STXBP5L: variants seen among roughly 807,000 people sequenced by gnomAD.
STXBP5L encodes syntaxin-binding protein 5-like.
STXBP5L carries 65 observed loss-of-function variants against 144.5 expected under a neutral mutation model. The ratio of observed to expected loss-of-function variants is 0.45; its 90% confidence interval spans 0.37 to 0.55. STXBP5L has a LOEUF of 0.55. STXBP5L is among the 20% of genes least tolerant of loss of function. The pLI is 0.00. For missense variants in STXBP5L, 1,298 were observed against 1,405.5 expected (o/e 0.92, Z 1.22); for synonymous variants, 505 against 469.6 (o/e 1.08, Z -0.97).
At chr3:121,184,041 C>A (rs1187520421) in intron 9 of STXBP5L, among the ~76,000 whole-genome samples, 1 of 151,822 alleles carries the variant, frequency 6.6e-6, no homozygotes, top group African/African-American at 2.4e-5. Flanking sequence ...GATGTACACC[C>A]AAAAACCCCA....
chr3:121,038,965 C>A (rs930514703), intron 3 of STXBP5L, among the ~76,000 whole-genome samples: 1 of 151,656 alleles, frequency 6.6e-6, no homozygotes, highest in African/African-American at 2.4e-5. Flanking sequence ...TAACTTTTAA[C>A]CTATTTGTAT....
At chr3:121,402,660 A>G (rs1377185853) in intron 22 of STXBP5L, among the ~76,000 whole-genome samples, 5 of 152,250 alleles carry the variant, frequency 3.3e-5, no homozygotes, top group African/African-American at 1.2e-4. Context: ...AGAAAAATAC[A>G]TAACCACACT....
intron 20 of STXBP5L, among the ~76,000 whole-genome samples, chr3:121,366,462 C>CT (rs1316937007): frequency 1.1e-4 from 17 of 151,932 alleles, no homozygotes; most frequent in Non-Finnish European, 4.4e-5. Flanking sequence ...GTTGTATCTT[C>CT]TTAATATGTT....
At chr3:121,349,910 C>A (rs1251442679) in intron 20 of STXBP5L, among the ~76,000 whole-genome samples, 7 of 152,172 alleles carry the variant, frequency 4.6e-5, no homozygotes, top group South Asian at 2.1e-4. Context: ...GACTCTTTAT[C>A]CAATTTGCCA....
chr3:121,216,151 C>T (rs758153729), intron 10 of STXBP5L, among the ~76,000 whole-genome samples: 8 of 152,152 alleles, frequency 5.3e-5, no homozygotes, highest in Non-Finnish European at 1.2e-4. Flanking sequence ...TCCTTTAGCT[C>T]AGAGGATTTT....
chr3:121,376,381 CT>C lies in STXBP5L; in HGVS notation c.2177-2332del, dbSNP rs1486602673. Among the ~76,000 whole-genome samples, 5 of 152,286 alleles carry C rather than the reference CT, an allele frequency of 3.3e-5. No individual in the cohort carries two copies. In the East Asian group the frequency reaches 9.6e-4, roughly 29 times the overall value. Reference sequence around the variant, plus strand: ...ATGGTTTTAGGCTTTAGGTTTGAGTCTTTAATCCATCTGGAGTTAATTTTTG... The same window carrying C: ...ATGGTTTTAGGCTTTAGGTTTGAGTCTTAATCCATCTGGAGTTAATTTTTG... On this transcript the variant is annotated intron_variant, in intron 20 of 26. Transcript: ENST00000471454.
intron 5 of STXBP5L, among the ~76,000 whole-genome samples, chr3:121,055,884 A>T (rs1237372678): frequency 2.1e-5 from 3 of 145,388 alleles, no homozygotes; most frequent in African/African-American, 7.7e-5. Flanking sequence ...GTAGAAACAG[A>T]TTCTCTCCAT....
At chr3:121,372,706 C>G (rs1489578410) in intron 20 of STXBP5L, among the ~76,000 whole-genome samples, 1 of 151,884 alleles carries the variant, frequency 6.6e-6, no homozygotes, top group Non-Finnish European at 1.5e-5. Context: ...CTCTGAAGAT[C>G]TGATAGGAGT....
At chr3:121,356,177 G>C (rs920644390) in intron 20 of STXBP5L, among the ~76,000 whole-genome samples, 1 of 152,250 alleles carries the variant, frequency 6.6e-6, no homozygotes, top group African/African-American at 2.4e-5. Flanking sequence ...CAGCCTGTCT[G>C]TTCTCAGAGT....
At chr3:121,102,454 A>C (rs2043480965) in intron 5 of STXBP5L, among the ~76,000 whole-genome samples, 1 of 152,156 alleles carries the variant, frequency 6.6e-6, no homozygotes. Flanking sequence ...AAAAATAACC[A>C]ATGGGAAAAG....
chr3:120,960,735 G>A (rs1938677661), intron 3 of STXBP5L, among the ~76,000 whole-genome samples: 1 of 149,388 alleles, frequency 6.7e-6, no homozygotes, highest in South Asian at 2.2e-4. Context: ...ACAGGAAGGG[G>A]AACATCACAC....
intron 3 of STXBP5L, among the ~76,000 whole-genome samples, chr3:121,031,985 G>A (rs1476232891): frequency 1.3e-5 from 2 of 152,110 alleles, no homozygotes; most frequent in African/African-American, 4.8e-5. Flanking sequence ...TAACCAGTTT[G>A]TTACGTGCTA....
intron 9 of STXBP5L, among the ~76,000 whole-genome samples, chr3:121,179,226 G>A (rs1314639723): frequency 1.3e-5 from 2 of 151,910 alleles, no homozygotes; most frequent in East Asian, 3.9e-4. Flanking sequence ...AATTCCATAG[G>A]AGACAGTGAA....
At chr3:120,936,928 G>A (rs1056223088) in intron 2 of STXBP5L, among the ~76,000 whole-genome samples, 6 of 152,102 alleles carry the variant, frequency 3.9e-5, no homozygotes, top group Admixed American at 1.3e-4. Flanking sequence ...AAAACATTCT[G>A]TAGGTCTATA....
intron 9 of STXBP5L, among the ~76,000 whole-genome samples, chr3:121,162,965 T>C (rs1463243298): frequency 6.6e-6 from 1 of 152,194 alleles, no homozygotes; most frequent in African/African-American, 2.4e-5. Flanking sequence ...GCTTTTACAC[T>C]GTTGGTGGGA....
At chr3:121,189,652 G>A (rs1193480198) in intron 9 of STXBP5L, among the ~76,000 whole-genome samples, 1 of 152,170 alleles carries the variant, frequency 6.6e-6, no homozygotes, top group East Asian at 1.9e-4. Context: ...AAGTCAGGTA[G>A]CGTGATGCCT....
chr3:121,299,434 G>A (rs2051798045), intron 19 of STXBP5L, among the ~76,000 whole-genome samples: 1 of 151,982 alleles, frequency 6.6e-6, no homozygotes, highest in Admixed American at 6.6e-5. Context: ...ACCTAAATTG[G>A]ACTTTTTGAA....
chr3:121,163,624 TA>T, intron 9 of STXBP5L, among the ~76,000 whole-genome samples: 1 of 152,242 alleles, frequency 6.6e-6, no homozygotes, highest in South Asian at 2.1e-4. Context: ...ACAGGGTTTT[TA>T]AAATTAGATG....
chr3:121,135,105 G>C (rs1232555556), intron 7 of STXBP5L, among the ~76,000 whole-genome samples: 4 of 152,116 alleles, frequency 2.6e-5, no homozygotes, highest in Non-Finnish European at 5.9e-5. Flanking sequence ...ATTCTAACTG[G>C]TATGAGATGG....
Sources: gnomAD v4.1 joint callset for allele counts (sites outside exome capture counted in the v4.1 genomes callset) on GRCh38, gnomAD v4.1.1 for gene constraint, MANE v1.5 for transcripts, NCBI Gene and HGNC (gene_info 2026-07-23, HGNC 2026-07-21) for gene names.